GALNT7: variants seen among roughly 807,000 people sequenced by gnomAD.
The protein encoded by GALNT7 is N-acetylgalactosaminyltransferase 7.
Under a neutral mutation model 82.1 loss-of-function variants are expected in GALNT7, and 60 were observed. The observed-to-expected ratio is 0.73, with a 90% CI of 0.59 to 0.91. The LOEUF (loss-of-function observed/expected upper bound fraction) is 0.91. Among genes scored for constraint, GALNT7 ranks in the 40% least tolerant of loss-of-function variants. GALNT7 has a pLI of 0.00. For synonymous variants in GALNT7, 243 were observed against 275.1 expected, an observed-to-expected ratio of 0.88 and a Z score of 1.15; for missense variants, 660 against 804.2, an observed-to-expected ratio of 0.82 and a Z score of 2.17.
chr4:173,297,894 C>T (rs908522380), intron 5 of GALNT7: 37 of 1,506,234 alleles, frequency 2.5e-5, no homozygotes, highest in Non-Finnish European at 3.3e-5. Context: ...CCAGAGGGGC[C>T]TGGGACTGGA....
intron 2 of GALNT7, among the ~76,000 whole-genome samples, chr4:173,280,615 G>A (rs2126806714): frequency 6.6e-6 from 1 of 152,314 alleles, no homozygotes; most frequent in Admixed American, 6.5e-5. Flanking sequence ...AGCTGAACCA[G>A]TACTGTCCTT....
intron 9 of GALNT7, 96 bp downstream of exon 9, chr4:173,314,272 G>A: frequency 3.5e-6 from 3 of 859,838 alleles, no homozygotes; most frequent in East Asian, 2.5e-5. Flanking sequence ...TATTCTTGGG[G>A]AAAAGTTGGG....
rs558349846 is a variant in GALNT7 at position 173,193,875 on chromosome 4, G to C, written c.126+24914G>C. 2.0e-3 allele frequency among the ~76,000 whole-genome samples: 310 copies of C among 152,224 alleles called. 1 individual carries two copies. The highest frequency in any genetic ancestry group is 7.2e-3 in the African/African-American group (298 of 41,552). On this transcript the variant is annotated intron_variant, in intron 1 of 11. Coordinates refer to ENST00000265000, the MANE Select transcript of GALNT7 (RefSeq NM_017423.3). Reference sequence around the variant, plus strand: ...AGGCATCCGAGTGGCTTATAAAATAGATGATTTTACCAAAAACTATTGTTT... The same window carrying C: ...AGGCATCCGAGTGGCTTATAAAATACATGATTTTACCAAAAACTATTGTTT...
intron 1 of GALNT7, among the ~76,000 whole-genome samples, chr4:173,178,814 G>C (rs939146221): frequency 6.6e-6 from 1 of 152,330 alleles, no homozygotes; most frequent in East Asian, 1.9e-4. Context: ...CTGCGAATAG[G>C]CTTCTAAGCA....
chr4:173,294,173 G>A (rs1736635889), intron 3 of GALNT7, among the ~76,000 whole-genome samples: 1 of 151,714 alleles, frequency 6.6e-6, no homozygotes, highest in Non-Finnish European at 1.5e-5. Context: ...AACTTAAGAT[G>A]TGTTTAACTT....
chr4:173,321,570 T>C lies in GALNT7; in HGVS notation c.1837-10T>C. On this transcript the variant is annotated splice_polypyrimidine_tract_variant and intron_variant, in intron 11 of 11. Coordinates refer to ENST00000265000, the MANE Select transcript of GALNT7 (RefSeq NM_017423.3). The stretch of plus-strand genomic sequence containing the variant: ...CAAATTTGAAACTTTTTTCTTACTG[T>C]GTTTTCCAGAACCTGCACAGATTTA... 3 of 1,607,476 alleles carry C rather than the reference T, an allele frequency of 1.9e-6. No individual in the cohort carries two copies. Among genetic ancestry groups the C allele is most frequent in the Non-Finnish European group, 2.6e-6 (3 of 1,175,416 alleles).
At chr4:173,178,967 A>T (rs2126625186) in intron 1 of GALNT7, among the ~76,000 whole-genome samples, 1 of 152,358 alleles carries the variant, frequency 6.6e-6, no homozygotes, top group South Asian at 2.1e-4. Context: ...CCCTGGGTTT[A>T]GGAATACATC....
chr4:173,216,727 ATTTTTTTTT>A (rs1554022010), intron 1 of GALNT7, among the ~76,000 whole-genome samples: 2 of 12,980 alleles, frequency 1.5e-4, no homozygotes, highest in East Asian at 2.1e-3. Context: ...ATATATATAT[ATTTTTTTTT>A]TTTTTTTTTT....
At position 173,210,296 on chromosome 4, in the gene GALNT7, G is replaced by A. The variant is rs562938654; in HGVS notation, c.127-37684G>A. On this transcript the variant is annotated intron_variant, in intron 1 of 11. Transcript: ENST00000265000. ...CGGAGTCTCTGTGGGCACAGAGCCT[G>A]TGTTTGAGGCAGATGGAATTTCATC... 1.1e-3 allele frequency among the ~76,000 whole-genome samples: 163 copies of A among 152,290 alleles called. 1 individual carries two copies. The highest frequency in any genetic ancestry group is 3.4e-3 in the Middle Eastern group (1 of 294).
At chr4:173,192,289 T>C (rs1732651794) in intron 1 of GALNT7, among the ~76,000 whole-genome samples, 1 of 152,224 alleles carries the variant, frequency 6.6e-6, no homozygotes, top group Non-Finnish European at 1.5e-5. Context: ...TTCAGAATTT[T>C]GTATTTGATA....
chr4:173,250,435 C>T (rs1734806140), intron 2 of GALNT7, among the ~76,000 whole-genome samples: 1 of 152,082 alleles, frequency 6.6e-6, no homozygotes, highest in Non-Finnish European at 1.5e-5. Context: ...ATCCTCTGTG[C>T]CTTCCTCCCC....
At chr4:173,237,825 A>G (rs1448334233) in intron 1 of GALNT7, among the ~76,000 whole-genome samples, 1 of 152,130 alleles carries the variant, frequency 6.6e-6, no homozygotes, top group Non-Finnish European at 1.5e-5. Flanking sequence ...CTATTTTAAA[A>G]TATTTTAAAG....
chr4:173,278,546 C>A (rs547596310), intron 2 of GALNT7, among the ~76,000 whole-genome samples: 2 of 152,084 alleles, frequency 1.3e-5, no homozygotes, highest in African/African-American at 4.8e-5. Flanking sequence ...GGAACATGCA[C>A]CTAAACCAAC....
At chr4:173,206,345 C>T (rs1163809195) in intron 1 of GALNT7, among the ~76,000 whole-genome samples, 3 of 152,166 alleles carry the variant, frequency 2.0e-5, no homozygotes, top group Non-Finnish European at 4.4e-5. Context: ...TGTAATCTCT[C>T]ACTTGGTTTC....
intron 2 of GALNT7, among the ~76,000 whole-genome samples, chr4:173,278,810 G>A (rs890416076): frequency 6.6e-6 from 1 of 152,186 alleles, no homozygotes; most frequent in African/African-American, 2.4e-5. Flanking sequence ...AATTATTGTA[G>A]CAGTCCTTTT....
Position 173,243,784 on chromosome 4 carries a change from T to C in GALNT7, c.127-4196T>C, listed in dbSNP as rs146269911. On this transcript the variant is annotated intron_variant, in intron 1 of 11. Transcript: ENST00000265000. ...TAAAAGTACAGTGCCGTGTAGGGAA[T>C]ATAGAGTTATGTTCTTGGTGAATTC... Among the ~76,000 whole-genome samples the C allele has an allele frequency of 4.0e-3, 602 of 151,898 alleles. 6 individuals are homozygous for C. Among genetic ancestry groups the C allele is most frequent in the African/African-American group, 0.014 (581 of 41,422 alleles).
intron 1 of GALNT7, among the ~76,000 whole-genome samples, chr4:173,174,064 CTT>C (rs1301893692): frequency 6.6e-6 from 1 of 152,084 alleles, no homozygotes; most frequent in South Asian, 2.1e-4. Flanking sequence ...AGTGTAGTGT[CTT>C]AAGTGGTCAC....
intron 2 of GALNT7, among the ~76,000 whole-genome samples, chr4:173,263,954 T>G (rs909055222): frequency 6.6e-6 from 1 of 152,216 alleles, no homozygotes; most frequent in Non-Finnish European, 1.5e-5. Flanking sequence ...GCTAGCTCAT[T>G]GGTTTGGAAC....
chr4:173,287,510 G>C (rs754339659), intron 2 of GALNT7, among the ~76,000 whole-genome samples: 1 of 152,252 alleles, frequency 6.6e-6, no homozygotes, highest in Non-Finnish European at 1.5e-5. Context: ...TAGAAAAGAG[G>C]CAAGAGAAGA....
Sources: gnomAD v4.1 joint callset for allele counts (sites outside exome capture counted in the v4.1 genomes callset) on GRCh38, gnomAD v4.1.1 for gene constraint, MANE v1.5 for transcripts, NCBI Gene and HGNC (gene_info 2026-07-23, HGNC 2026-07-21) for gene names.